Variants in MYO10 observed in about 807,000 individuals in gnomAD.
MYO10 encodes myosin X, also known as unconventional myosin-X.
MYO10 carries 133 observed loss-of-function variants against 257.3 expected under a neutral mutation model. The ratio of observed to expected loss-of-function variants is 0.52; its 90% CI spans 0.45 to 0.60. The LOEUF is 0.60. MYO10 is among the 20% of genes least tolerant of loss of function. The pLI is 0.00. For synonymous variants in MYO10, 1,104 were observed against 1,028.6 expected (o/e 1.07, Z -1.40); for missense variants, 2,399 against 2,635.7 (o/e 0.91, Z 1.97).
chr5:16,851,564 C>T (rs1253295313), intron 2 of MYO10, among the ~76,000 whole-genome samples: 3 of 152,156 alleles, frequency 2.0e-5, no homozygotes, highest in Admixed American at 1.3e-4. Context: ...CACCTCCACA[C>T]AGGTGATCTC....
At position 16,794,651 on chromosome 5, in the gene MYO10, G is replaced by A; in HGVS notation, c.462C>T (p.Leu154=). 19 of 1,608,926 alleles carry A rather than the reference G, an allele frequency of 1.2e-5. No homozygotes were observed. The highest frequency in any genetic ancestry group is 1.6e-5 in the Non-Finnish European group (19 of 1,177,468). ...LWKRHDNQCI[L]ISGESGAGKT... is the part of the protein sequence containing the mutation. Reference sequence around the variant, plus strand: ...CTGGCTGTGAGCCCCGTTACCTGATGAGGATGCACTGGTTGTCGTGGCGCT... The same window carrying A: ...CTGGCTGTGAGCCCCGTTACCTGATAAGGATGCACTGGTTGTCGTGGCGCT... The change falls in exon 4 of 41, where the codon CTC becomes CTT. Residue 154 remains leucine (L), a synonymous_variant. Transcript: ENST00000513610.
chr5:16,732,891 T>C (rs1449574464), intron 19 of MYO10, among the ~76,000 whole-genome samples: 1 of 152,198 alleles, frequency 6.6e-6, no homozygotes, highest in Non-Finnish European at 1.5e-5. Flanking sequence ...CCTAGCACTT[T>C]GGGAGGCCGA....
At chr5:16,689,158 A>C (rs1022518668) in intron 28 of MYO10, among the ~76,000 whole-genome samples, 3 of 152,254 alleles carry the variant, frequency 2.0e-5, no homozygotes, top group African/African-American at 7.2e-5. Context: ...TATTCTGCAA[A>C]GTATGGATGA....
chr5:16,836,786 G>C (rs1486667977), intron 2 of MYO10, among the ~76,000 whole-genome samples: 3 of 152,124 alleles, frequency 2.0e-5, no homozygotes, highest in Non-Finnish European at 4.4e-5. Flanking sequence ...AAACAGTCTG[G>C]TCATTCTTTG....
intron 1 of MYO10, among the ~76,000 whole-genome samples, chr5:16,904,129 T>C (rs949462161): frequency 1.2e-4 from 19 of 152,182 alleles, no homozygotes; most frequent in African/African-American, 4.6e-4. Flanking sequence ...TCAGTCATGG[T>C]TGCGTCATAA....
chr5:16,737,404 G>A (rs11133857), intron 19 of MYO10, among the ~76,000 whole-genome samples: 33,067 of 151,982 alleles, frequency 0.22, 3,744 homozygotes, highest in Admixed American at 0.29. Flanking sequence ...GACACAGGAC[G>A]CACTGATACT....
intron 1 of MYO10, among the ~76,000 whole-genome samples, chr5:16,899,432 C>T (rs1444294779): frequency 4.0e-5 from 6 of 151,654 alleles, no homozygotes; most frequent in African/African-American, 4.8e-5. Context: ...GTCAGAAGTT[C>T]GAGACCAGCT....
intron 19 of MYO10, chr5:16,713,427 G>T (rs1037603424): frequency 1.9e-5 from 19 of 985,676 alleles, no homozygotes; most frequent in Non-Finnish European, 2.3e-5. Context: ...TTTCCCCACA[G>T]CTAAAGACAT....
intron 21 of MYO10, among the ~76,000 whole-genome samples, chr5:16,705,356 T>C (rs1738281850): frequency 6.6e-6 from 1 of 152,230 alleles, no homozygotes; most frequent in South Asian, 2.1e-4. Flanking sequence ...TGTAGCTGTT[T>C]GCTTGCCTAT....
intron 2 of MYO10, among the ~76,000 whole-genome samples, chr5:16,820,827 T>C (rs1383032584): frequency 6.6e-6 from 1 of 151,088 alleles, no homozygotes; most frequent in Admixed American, 6.6e-5. Flanking sequence ...ATATGTAATA[T>C]ACACATACTT....
Position 16,670,545 on chromosome 5 carries a change from G to A in MYO10, c.5864C>T (p.Ser1955Leu), listed in dbSNP as rs749498407. 2.2e-5 allele frequency: 35 copies of A among 1,609,868 alleles called. No homozygotes were observed. The highest frequency in any genetic ancestry group is 3.3e-4 in the Middle Eastern group (2 of 6,048). Residue 1955 changes from serine to leucine, a missense_variant, in exon 39 of 41, where the codon TCG becomes TTG. This residue lies in a region of MYO10 where 1,820 missense variants were observed against 1,939.4 expected (regional missense o/e 0.94). Transcript: ENST00000513610. ...TCTCACCTCCACATCAAACAGCGTC[G>A]AGCCATAGCCAGGCCACTCCTTGAT... Reference protein sequence around the residue: ...ALIKEWPGYGSTLFDVECKEG... With the variant: ...ALIKEWPGYGLTLFDVECKEG...
At chr5:16,914,147 G>A (rs1745747512) in intron 1 of MYO10, among the ~76,000 whole-genome samples, 1 of 152,198 alleles carries the variant, frequency 6.6e-6, no homozygotes, top group African/African-American at 2.4e-5. Context: ...TGGGCCAAGG[G>A]TTCAAGGTGG....
chr5:16,679,394 A>G (rs376130850), intron 33 of MYO10, among the ~76,000 whole-genome samples: 1 of 152,200 alleles, frequency 6.6e-6, no homozygotes, highest in South Asian at 2.1e-4. Context: ...AACAGGTGGG[A>G]TCGGGTGACT....
intron 21 of MYO10, among the ~76,000 whole-genome samples, chr5:16,709,371 G>C (rs1166471669): frequency 6.6e-6 from 1 of 152,110 alleles, no homozygotes; most frequent in Non-Finnish European, 1.5e-5. Context: ...GTGCAATCTG[G>C]GACTTGCTTC....
intron 19 of MYO10, among the ~76,000 whole-genome samples, chr5:16,750,567 C>T (rs1292276335): frequency 3.9e-5 from 6 of 152,110 alleles, no homozygotes; most frequent in East Asian, 1.9e-4. Context: ...ACTAGCCCGG[C>T]GAGTGTGTGA....
intron 27 of MYO10, among the ~76,000 whole-genome samples, chr5:16,691,968 C>T (rs1465890949): frequency 1.3e-5 from 2 of 152,168 alleles, no homozygotes; most frequent in Non-Finnish European, 2.9e-5. Flanking sequence ...CCATTACAAA[C>T]AGCAAGTGAA....
chr5:16,816,266 G>A (rs1375434592), intron 3 of MYO10, among the ~76,000 whole-genome samples: 1 of 150,858 alleles, frequency 6.6e-6, no homozygotes, highest in Non-Finnish European at 1.5e-5. Context: ...TTGAACCCAG[G>A]AGGCGGAGCC....
chr5:16,669,222 CTTTTTTTT>C (rs11292604), intron 39 of MYO10, among the ~76,000 whole-genome samples: 3 of 148,968 alleles, frequency 2.0e-5, no homozygotes, highest in East Asian at 2.0e-4. Flanking sequence ...TTTCTTTTTT[CTTTTTTTT>C]TTTGACGGAG....
Position 16,763,473 on chromosome 5 carries a change from T to C in MYO10, c.1494+8A>G. The C allele has an allele frequency of 4.4e-6, 7 of 1,605,248 alleles. No individual in the cohort carries two copies. The highest frequency in any genetic ancestry group is 6.0e-6 in the Non-Finnish European group (7 of 1,171,944). On this transcript the variant is annotated splice_region_variant and intron_variant, in intron 14 of 40. Transcript: ENST00000513610. ...TGGGACTGTAACCATTCTTCAAAAA[T>C]ACATTACCTTCTCAATCAAGTCCAG...
Sources: gnomAD v4.1 joint callset for allele counts (sites outside exome capture counted in the v4.1 genomes callset) on GRCh38, gnomAD v4.1.1 for gene constraint, gnomAD v4.1.1 regional missense constraint, MANE v1.5 for transcripts, NCBI Gene and HGNC (gene_info 2026-07-23, HGNC 2026-07-21) for gene names.